DIAPH3: variants seen among roughly 807,000 people sequenced by gnomAD.
DIAPH3 encodes diaphanous related formin 3, also known as protein diaphanous homolog 3.
Under a neutral mutation model 144.3 loss-of-function variants are expected in DIAPH3, and 117 were observed. That is an observed-to-expected ratio of 0.81 (90% CI 0.70 to 0.95). The LOEUF (loss-of-function observed/expected upper bound fraction) is 0.95. Among genes scored for constraint, DIAPH3 ranks in the 40% least tolerant of loss-of-function variants. DIAPH3 has a pLI of 0.00. For missense variants in DIAPH3, 1,421 were observed against 1,412.7 expected, an observed-to-expected ratio of 1.01 and a Z score of -0.09; for synonymous variants, 519 against 488.9, an observed-to-expected ratio of 1.06 and a Z score of -0.81.
At chr13:59,823,689 A>G (rs2139653370) in intron 24 of DIAPH3, among the ~76,000 whole-genome samples, 1 of 152,278 alleles carries the variant, frequency 6.6e-6, no homozygotes, top group Middle Eastern at 3.4e-3. Context: ...GTGTTTTGAC[A>G]TTCCTTTTGA....
chr13:59,854,910 G>A (rs2043178948), intron 22 of DIAPH3, among the ~76,000 whole-genome samples: 1 of 152,142 alleles, frequency 6.6e-6, no homozygotes, highest in South Asian at 2.1e-4. Context: ...TCTTCCTGAT[G>A]TGGTTTTCTT....
intron 25 of DIAPH3, among the ~76,000 whole-genome samples, chr13:59,808,135 G>GA (rs552112112): frequency 3.3e-5 from 5 of 150,650 alleles, no homozygotes; most frequent in Non-Finnish European, 5.9e-5. Flanking sequence ...AAAGGTGACA[G>GA]AAAAAAATCA....
intron 5 of DIAPH3, among the ~76,000 whole-genome samples, chr13:60,028,661 T>C (rs1199676909): frequency 6.6e-6 from 1 of 152,146 alleles, no homozygotes; most frequent in African/African-American, 2.4e-5. Flanking sequence ...AGGACTTAAA[T>C]ATCTCCACTC....
chr13:59,768,760 T>TA (rs1359814852), intron 27 of DIAPH3, among the ~76,000 whole-genome samples: 3 of 152,092 alleles, frequency 2.0e-5, no homozygotes, highest in Admixed American at 6.5e-5. Flanking sequence ...CTTATTTCTA[T>TA]AAAAATCTCT....
At chr13:59,855,216 T>C (rs554892745) in intron 22 of DIAPH3, among the ~76,000 whole-genome samples, 10 of 152,262 alleles carry the variant, frequency 6.6e-5, no homozygotes, top group African/African-American at 2.2e-4. Flanking sequence ...TCCCTGGAAA[T>C]AAACTGGCAG....
At chr13:59,748,497 G>A (rs1397703077) in intron 27 of DIAPH3, among the ~76,000 whole-genome samples, 2 of 152,168 alleles carry the variant, frequency 1.3e-5, no homozygotes, top group African/African-American at 4.8e-5. Flanking sequence ...GTTGTTAATA[G>A]TCTGAAACAA....
intron 27 of DIAPH3, among the ~76,000 whole-genome samples, chr13:59,723,695 C>A (rs905386974): frequency 6.6e-6 from 1 of 151,846 alleles, no homozygotes; most frequent in Non-Finnish European, 1.5e-5. Context: ...GCTGCAATCT[C>A]CGCCTCCTGG....
At chr13:60,098,137 A>G (rs1425949642) in intron 3 of DIAPH3, among the ~76,000 whole-genome samples, 1 of 152,162 alleles carries the variant, frequency 6.6e-6, no homozygotes, top group African/African-American at 2.4e-5. Context: ...TTTCCTCAAA[A>G]TTATCATGTT....
intron 4 of DIAPH3, among the ~76,000 whole-genome samples, chr13:60,092,842 G>A (rs1041294546): frequency 6.6e-5 from 10 of 152,172 alleles, no homozygotes; most frequent in African/African-American, 2.2e-4. Flanking sequence ...AATAACTTAT[G>A]TTCTTGTAAC....
At chr13:60,081,333 T>C (rs558011113) in intron 4 of DIAPH3, among the ~76,000 whole-genome samples, 3 of 152,126 alleles carry the variant, frequency 2.0e-5, no homozygotes, top group Non-Finnish European at 2.9e-5. Flanking sequence ...TGAAAGTTTA[T>C]GGATGAAATA....
At chr13:59,874,843 A>G (rs938513914) in intron 21 of DIAPH3, among the ~76,000 whole-genome samples, 2 of 152,240 alleles carry the variant, frequency 1.3e-5, no homozygotes, top group Non-Finnish European at 2.9e-5. Flanking sequence ...AAAGAGCTGC[A>G]TCATCCTGTT....
intron 5 of DIAPH3, among the ~76,000 whole-genome samples, 166 bp downstream of exon 5, chr13:60,042,524 C>G (rs972538613): frequency 1.3e-5 from 2 of 151,038 alleles, no homozygotes; most frequent in African/African-American, 4.8e-5. Flanking sequence ...GTAATAAATG[C>G]AAAAGGTACT....
At chr13:60,056,102 T>C (rs1221346232) in intron 4 of DIAPH3, among the ~76,000 whole-genome samples, 1 of 151,618 alleles carries the variant, frequency 6.6e-6, no homozygotes, top group Non-Finnish European at 1.5e-5. Context: ...AATAAGAGTA[T>C]GAAAATATGG....
At position 59,765,475 on chromosome 13, in the gene DIAPH3, C is replaced by T. The variant is rs1566278576; in HGVS notation, c.3319+8714G>A. On this transcript the variant is annotated intron_variant, in intron 27 of 27. Transcript: ENST00000400324. ...AGCCTATGAAACACATAGTGTAATT[C>T]CTCTTCTTATAGCTGAGGAAAAGAA... Among the ~76,000 whole-genome samples, 16 of 152,296 alleles carry T rather than the reference C, an allele frequency of 1.1e-4. No homozygotes were observed. The South Asian group carries it at 3.3e-3, about 32-fold the overall frequency.
intron 20 of DIAPH3, among the ~76,000 whole-genome samples, chr13:59,880,978 C>CAAAAAAA (rs77481523): frequency 4.6e-4 from 30 of 64,744 alleles, no homozygotes; most frequent in East Asian, 6.8e-4. Flanking sequence ...CAACAAGGAC[C>CAAAAAAA]AAAAAAAAAA....
intron 14 of DIAPH3, 64 bp downstream of exon 14, chr13:59,980,731 G>C: frequency 7.1e-7 from 1 of 1,413,968 alleles, no homozygotes; most frequent in Non-Finnish European, 1.0e-6. Flanking sequence ...CAAATTCCCT[G>C]AGGCAGAAGC....
At chr13:59,984,840 A>G (rs1219807605) in intron 12 of DIAPH3, among the ~76,000 whole-genome samples, 1 of 123,304 alleles carries the variant, frequency 8.1e-6, no homozygotes. Context: ...ATAGTTTACC[A>G]ACCAAAAAGA....
intron 9 of DIAPH3, among the ~76,000 whole-genome samples, chr13:60,004,529 A>T (rs2052739642): frequency 6.6e-6 from 1 of 152,236 alleles, no homozygotes; most frequent in Admixed American, 6.5e-5. Context: ...CTTAAAAACA[A>T]TGAGAAACCT....
intron 5 of DIAPH3, among the ~76,000 whole-genome samples, chr13:60,042,124 C>T (rs2055710373): frequency 6.6e-6 from 1 of 152,066 alleles, no homozygotes; most frequent in Admixed American, 6.6e-5. Context: ...CATTCCAAAA[C>T]TGACTTATGG....
Sources: gnomAD v4.1 joint callset for allele counts (sites outside exome capture counted in the v4.1 genomes callset) on GRCh38, gnomAD v4.1.1 for gene constraint, MANE v1.5 for transcripts, NCBI Gene and HGNC (gene_info 2026-07-23, HGNC 2026-07-21) for gene names.